KAZN: variants seen among roughly 807,000 people sequenced by gnomAD.
KAZN encodes kazrin.
A neutral mutation model predicts 87.4 loss-of-function variants in KAZN; 40 were observed. That is an observed-to-expected ratio of 0.46 (90% CI 0.36 to 0.60). The LOEUF (loss-of-function observed/expected upper bound fraction) is 0.60. KAZN is among the 20% of genes least tolerant of loss of function. The probability of loss-of-function intolerance (pLI) is 0.00; values close to 1 mark genes in which losing one functional copy is unlikely to be tolerated. For missense variants in KAZN, 898 were observed against 1,073.9 expected, an observed-to-expected ratio of 0.84 and a Z score of 2.29; for synonymous variants, 466 against 458.3, an observed-to-expected ratio of 1.02 and a Z score of -0.22.
intron 2 of KAZN, among the ~76,000 whole-genome samples, chr1:14,362,615 C>T (rs1659615472): frequency 6.6e-6 from 1 of 152,156 alleles, no homozygotes; most frequent in South Asian, 2.1e-4. Flanking sequence ...GATACTCTGG[C>T]CCTATTACAC....
intron 2 of KAZN, among the ~76,000 whole-genome samples, chr1:14,237,939 C>G (rs1457451109): frequency 1.3e-5 from 2 of 152,202 alleles, no homozygotes; most frequent in East Asian, 3.9e-4. Context: ...AAATCAGGTA[C>G]TAAGCTCATT....
At chr1:14,424,589 T>C (rs778048068) in intron 2 of KAZN, among the ~76,000 whole-genome samples, 1 of 151,888 alleles carries the variant, frequency 6.6e-6, no homozygotes, top group Non-Finnish European at 1.5e-5. Flanking sequence ...CCCTCTAGAG[T>C]TGCCACAACT....
chr1:14,366,704 G>A (rs1007559704), intron 2 of KAZN, among the ~76,000 whole-genome samples: 1 of 152,356 alleles, frequency 6.6e-6, no homozygotes, highest in South Asian at 2.1e-4. Context: ...CAGAAGGCAT[G>A]TGTTACAGTG....
chr1:14,889,972 G>A (rs149076571), intron 1 of KAZN, among the ~76,000 whole-genome samples: 79 of 152,290 alleles, frequency 5.2e-4, no homozygotes, highest in African/African-American at 1.9e-3. Context: ...TCGTACGCTC[G>A]AGCCAAACAT....
At chr1:14,061,118 A>C (rs1006579469) in intron 1 of KAZN, among the ~76,000 whole-genome samples, 15 of 152,340 alleles carry the variant, frequency 9.8e-5, no homozygotes, top group African/African-American at 3.1e-4. Flanking sequence ...TAACTCTGTG[A>C]GTGTCCAGCA....
At chr1:14,299,766 C>A (rs187390982) in intron 2 of KAZN, among the ~76,000 whole-genome samples, 1 of 152,304 alleles carries the variant, frequency 6.6e-6, no homozygotes, top group Admixed American at 6.5e-5. Context: ...ACCCAGTCAT[C>A]TGAACACATT....
intron 1 of KAZN, among the ~76,000 whole-genome samples, chr1:13,951,626 A>C (rs557860517): frequency 1.1e-3 from 1 of 918 alleles, no homozygotes; most frequent in African/African-American, 0.01. Flanking sequence ...AAATGGAGAT[A>C]ATAATAATAA....
chr1:14,057,551 A>G (rs1642626696), intron 1 of KAZN, among the ~76,000 whole-genome samples: 1 of 152,230 alleles, frequency 6.6e-6, no homozygotes, highest in Non-Finnish European at 1.5e-5. Flanking sequence ...CTCTGTGTTA[A>G]GTGCCTGGTC....
chr1:14,640,079 G>A lies in KAZN; in HGVS notation c.226+40856G>A, dbSNP rs149807855. Reference sequence around the variant, plus strand: ...AAAAGGTTGTTCGAGAAATGCTCTGGGTTTGTTGGGCCTGAAACAGCAATA... The same window carrying A: ...AAAAGGTTGTTCGAGAAATGCTCTGAGTTTGTTGGGCCTGAAACAGCAATA... On this transcript the variant is annotated intron_variant, in intron 1 of 14. Coordinates refer to ENST00000376030, the MANE Select transcript of KAZN (RefSeq NM_201628.3). Among the ~76,000 whole-genome samples the A allele has an allele frequency of 4.8e-3, 737 of 152,234 alleles. 8 individuals are homozygous for A. Among genetic ancestry groups the A allele is most frequent in the African/African-American group, 0.016 (674 of 41,528 alleles).
At chr1:13,899,268 A>G (rs1275289512) in intron 1 of KAZN, among the ~76,000 whole-genome samples, 1 of 152,146 alleles carries the variant, frequency 6.6e-6, no homozygotes, top group Non-Finnish European at 1.5e-5. Flanking sequence ...ACCTTGTTTC[A>G]CCTTGTTGCA....
rs1677480419 is a variant in KAZN, at chr1:14,607,706, C to A, written c.226+8483C>A. On this transcript the variant is annotated intron_variant, in intron 1 of 14. Coordinates refer to ENST00000376030, the MANE Select transcript of KAZN (RefSeq NM_201628.3). ...TCTCTGCCTCACTGCTGGGCTGTGA[C>A]CAAAGAGAATCGCAGAGGGGACTTG... Among the ~76,000 whole-genome samples, 3 of 152,106 alleles carry A rather than the reference C, an allele frequency of 2.0e-5. No individual in the cohort carries two copies. The South Asian group carries it at 6.2e-4, about 32-fold the overall frequency.
At chr1:14,728,779 G>T (rs1454324157) in intron 1 of KAZN, among the ~76,000 whole-genome samples, 3 of 152,096 alleles carry the variant, frequency 2.0e-5, no homozygotes, top group Non-Finnish European at 2.9e-5. Context: ...TCACTCCCTG[G>T]AACAAATTTG....
intron 2 of KAZN, among the ~76,000 whole-genome samples, chr1:14,460,552 C>G (rs532046042): frequency 1.3e-5 from 2 of 152,182 alleles, no homozygotes; most frequent in Non-Finnish European, 2.9e-5. Context: ...TGAACCTGTG[C>G]CCTGATCACT....
chr1:14,858,085 T>G (rs577410284), intron 1 of KAZN, among the ~76,000 whole-genome samples: 2 of 152,372 alleles, frequency 1.3e-5, no homozygotes, highest in African/African-American at 4.8e-5. Context: ...ACTTCTTTTA[T>G]AATTTAGCAT....
chr1:13,985,826 A>G (rs971898458), intron 1 of KAZN, among the ~76,000 whole-genome samples: 10 of 152,214 alleles, frequency 6.6e-5, no homozygotes, highest in Admixed American at 4.6e-4. Context: ...AATGCTTTCA[A>G]GGTTTACCTG....
At chr1:14,924,826 G>T (rs995512949) in intron 1 of KAZN, among the ~76,000 whole-genome samples, 3 of 152,142 alleles carry the variant, frequency 2.0e-5, no homozygotes, top group Non-Finnish European at 4.4e-5. Context: ...GGAGCCAGGC[G>T]ATCCCGCGGC....
chr1:15,079,535 A>G (rs1420180185), intron 8 of KAZN, among the ~76,000 whole-genome samples: 1 of 152,106 alleles, frequency 6.6e-6, no homozygotes, highest in Admixed American at 6.5e-5. Context: ...TGATTTCCTG[A>G]AACCCACAGC....
intron 2 of KAZN, among the ~76,000 whole-genome samples, chr1:14,536,711 G>A (rs1672523598): frequency 6.6e-6 from 1 of 152,084 alleles, no homozygotes; most frequent in South Asian, 2.1e-4. Flanking sequence ...GCGAAACCCT[G>A]TCTCTACTAA....
At chr1:13,998,892 C>T (rs1181954390) in intron 1 of KAZN, among the ~76,000 whole-genome samples, 2 of 151,936 alleles carry the variant, frequency 1.3e-5, no homozygotes, top group East Asian at 3.9e-4. Context: ...GAACTCTCCA[C>T]CACAAATCAA....
Sources: gnomAD v4.1 joint callset for allele counts (sites outside exome capture counted in the v4.1 genomes callset) on GRCh38, gnomAD v4.1.1 for gene constraint, MANE v1.5 for transcripts, NCBI Gene and HGNC (gene_info 2026-07-23, HGNC 2026-07-21) for gene names.